The following SGCZ variants were observed in gnomAD, a reference collection of about 807,000 sequenced individuals.
SGCZ encodes zeta-sarcoglycan.
In SGCZ, 40 loss-of-function variants were observed where a neutral mutation model predicts 41.3. The observed-to-expected ratio is 0.97, with a 90% confidence interval of 0.75 to 1.26. The LOEUF is 1.26. Ranked by LOEUF, SGCZ falls within the 50% of genes most tolerant of loss-of-function variation. The probability of loss-of-function intolerance (pLI) is 0.00; values close to 1 mark genes in which losing one functional copy is unlikely to be tolerated. For missense variants in SGCZ, 552 were observed against 369.8 expected, an observed-to-expected ratio of 1.49 and a Z score of -4.04; for synonymous variants, 206 against 137.5, an observed-to-expected ratio of 1.50 and a Z score of -3.49.
At chr8:14,111,847 C>T (rs142387056) in intron 5 of SGCZ, among the ~76,000 whole-genome samples, 140 of 152,234 alleles carry the variant, frequency 9.2e-4, no homozygotes, top group Middle Eastern at 3.4e-3. Flanking sequence ...TATTTAAAGA[C>T]CGTTTAAGAC....
chr8:14,397,534 C>T (rs11992185), intron 2 of SGCZ, among the ~76,000 whole-genome samples: 25,755 of 152,002 alleles, frequency 0.17, 5,158 homozygotes, highest in African/African-American at 0.48. Context: ...CCCTGTTCCA[C>T]TGTACACAAA....
rs372711849 is a variant in SGCZ at position 14,209,736 on chromosome 8, T to C, written c.424+27856A>G. Among the ~76,000 whole-genome samples, 24 of 152,314 alleles carry C rather than the reference T, an allele frequency of 1.6e-4. No individual in the cohort carries two copies. In the East Asian group the frequency reaches 4.4e-3, roughly 28 times the overall value. ...ATTTATAGAAAAAACTGGATATGTA[T>C]ATATCAAATTTATCAGCAGTAAGTA... is the stretch of plus-strand genomic sequence containing the variant. On this transcript the variant is annotated intron_variant, in intron 4 of 7. Coordinates refer to ENST00000382080, the MANE Select transcript of SGCZ (RefSeq NM_139167.4).
At chr8:14,239,324 T>C (rs908114629) in intron 3 of SGCZ, among the ~76,000 whole-genome samples, 1 of 151,784 alleles carries the variant, frequency 6.6e-6, no homozygotes, top group Non-Finnish European at 1.5e-5. Flanking sequence ...TGTAAGTATG[T>C]TAAAAAGGAG....
At chr8:14,687,643 T>A (rs1024031583) in intron 1 of SGCZ, among the ~76,000 whole-genome samples, 53 of 151,996 alleles carry the variant, frequency 3.5e-4, no homozygotes, top group African/African-American at 1.3e-3. Flanking sequence ...TGAATAGTGC[T>A]GCAATAAACA....
chr8:14,366,584 C>T (rs995533764), intron 2 of SGCZ, among the ~76,000 whole-genome samples: 2 of 152,070 alleles, frequency 1.3e-5, no homozygotes, highest in African/African-American at 4.8e-5. Flanking sequence ...ACCAATCATG[C>T]CTTCCCCAAC....
At chr8:14,528,550 C>G (rs1803022727) in intron 2 of SGCZ, among the ~76,000 whole-genome samples, 1 of 152,006 alleles carries the variant, frequency 6.6e-6, no homozygotes, top group Non-Finnish European at 1.5e-5. Flanking sequence ...GTTGGCCATT[C>G]TGGGCCTTAG....
chr8:14,323,569 T>C (rs1435493743), intron 3 of SGCZ, among the ~76,000 whole-genome samples: 2 of 152,102 alleles, frequency 1.3e-5, no homozygotes, highest in African/African-American at 4.8e-5. Context: ...AGCATGCTTC[T>C]AAGAGATAAA....
chr8:14,381,046 C>G (rs1456458310), intron 2 of SGCZ, among the ~76,000 whole-genome samples: 1 of 152,072 alleles, frequency 6.6e-6, no homozygotes, highest in Non-Finnish European at 1.5e-5. Flanking sequence ...CAATTTCTGA[C>G]TCACATTATC....
chr8:14,295,418 A>G (rs1176946489), intron 3 of SGCZ, among the ~76,000 whole-genome samples: 4 of 152,170 alleles, frequency 2.6e-5, no homozygotes, highest in Non-Finnish European at 5.9e-5. Flanking sequence ...GTAATGGTAC[A>G]TCAATGTCAA....
chr8:15,123,974 T>C (rs1317895896), intron 1 of SGCZ, among the ~76,000 whole-genome samples: 2 of 152,142 alleles, frequency 1.3e-5, no homozygotes, highest in South Asian at 2.1e-4. Flanking sequence ...AGAGGGAACA[T>C]TGGACAGGTA....
At chr8:15,089,243 T>C (rs1806061847) in intron 1 of SGCZ, among the ~76,000 whole-genome samples, 2 of 152,180 alleles carry the variant, frequency 1.3e-5, no homozygotes, top group African/African-American at 4.8e-5. Flanking sequence ...ATTCATTTCT[T>C]TGATTTCTCA....
intron 1 of SGCZ, among the ~76,000 whole-genome samples, chr8:15,073,050 A>G (rs556418933): frequency 6.6e-6 from 1 of 152,108 alleles, no homozygotes; most frequent in African/African-American, 2.4e-5. Flanking sequence ...GGGCAGAGAC[A>G]TGTTCGGTTT....
intron 5 of SGCZ, among the ~76,000 whole-genome samples, chr8:14,119,209 C>G (rs1802616645): frequency 6.6e-6 from 1 of 151,870 alleles, no homozygotes; most frequent in Non-Finnish European, 1.5e-5. Context: ...GTATGTTTTT[C>G]CATTTGTTTG....
intron 1 of SGCZ, among the ~76,000 whole-genome samples, chr8:15,091,387 T>G (rs1395484980): frequency 1.3e-5 from 2 of 152,224 alleles, no homozygotes; most frequent in Admixed American, 1.3e-4. Context: ...CAAGAAAATG[T>G]GTATTTTTCA....
intron 1 of SGCZ, among the ~76,000 whole-genome samples, chr8:14,616,766 G>A (rs1053954746): frequency 6.6e-6 from 1 of 152,028 alleles, no homozygotes; most frequent in Non-Finnish European, 1.5e-5. Flanking sequence ...ACAAATAAAT[G>A]CCACTGTAAA....
intron 4 of SGCZ, among the ~76,000 whole-genome samples, chr8:14,225,200 T>A (rs1014838544): frequency 6.6e-6 from 1 of 152,144 alleles, no homozygotes; most frequent in Non-Finnish European, 1.5e-5. Context: ...ATAATTTCTA[T>A]TTTTATTGTG....
intron 2 of SGCZ, among the ~76,000 whole-genome samples, chr8:14,484,179 T>A (rs1435196915): frequency 1.3e-5 from 2 of 152,200 alleles, no homozygotes; most frequent in Non-Finnish European, 2.9e-5. Context: ...ATTATGAAAC[T>A]AGCTATACAA....
intron 1 of SGCZ, among the ~76,000 whole-genome samples, chr8:14,582,909 T>A (rs1216586264): frequency 6.6e-6 from 1 of 151,910 alleles, no homozygotes; most frequent in Admixed American, 6.6e-5. Context: ...AGTCTATCAT[T>A]GTTGGACATT....
At chr8:14,220,915 T>C (rs1017474459) in intron 4 of SGCZ, among the ~76,000 whole-genome samples, 2 of 152,196 alleles carry the variant, frequency 1.3e-5, no homozygotes, top group Non-Finnish European at 2.9e-5. Context: ...GTTGTAGATG[T>C]TGGAAGTAAC....
Sources: allele counts gnomAD v4.1 joint callset (sites outside exome capture counted in the v4.1 genomes callset), GRCh38; gene constraint gnomAD v4.1.1; transcripts MANE v1.5; gene names NCBI Gene and HGNC (gene_info 2026-07-23, HGNC 2026-07-21).